Variants in PCDHGA11 observed in about 807,000 individuals in gnomAD.
The protein encoded by PCDHGA11 is protocadherin gamma-A11.
PCDHGA11 carries 39 observed loss-of-function variants against 60.4 expected under a neutral mutation model. The ratio of observed to expected loss-of-function variants is 0.65; its 90% confidence interval spans 0.50 to 0.84. PCDHGA11 has a LOEUF of 0.84. PCDHGA11 is among the 40% of genes least tolerant of loss of function. The pLI is 0.00. For missense variants in PCDHGA11, 1,165 were observed against 1,197.7 expected, an observed-to-expected ratio of 0.97 and a Z score of 0.40; for synonymous variants, 533 against 510.3, an observed-to-expected ratio of 1.04 and a Z score of -0.60.
chr5:141,427,616 C>T (rs922511046), intron 1 of PCDHGA11: 1 of 693,880 alleles, frequency 1.4e-6, no homozygotes, highest in Non-Finnish European at 2.6e-6. Context: ...GTGAAGTCAA[C>T]GACAATGCTC....
intron 1 of PCDHGA11, among the ~76,000 whole-genome samples, chr5:141,472,071 A>G (rs1243864250): frequency 6.6e-6 from 1 of 152,200 alleles, no homozygotes. Context: ...GTCTGTGGTT[A>G]TATCAATGAG....
chr5:141,501,290 T>C lies in PCDHGA11; in HGVS notation c.2493-4103T>C, dbSNP rs796726601. Among the ~76,000 whole-genome samples, 19 of 136,248 alleles carry C rather than the reference T, an allele frequency of 1.4e-4. No individual in the cohort carries two copies. The South Asian group carries it at 2.4e-3, about 17-fold the overall frequency. 89.4% of individuals were successfully genotyped at this position (136,248 alleles called of 152,430 possible). ...GTCCAGTCTATGGGATATTCCCTTA[T>C]ACACACACACACACACACACACACA... On this transcript the variant is annotated intron_variant, in intron 2 of 3. Coordinates refer to ENST00000398587, the MANE Select transcript of PCDHGA11 (RefSeq NM_018914.3).
intron 1 of PCDHGA11, among the ~76,000 whole-genome samples, chr5:141,481,620 C>G (rs1449979532): frequency 6.6e-6 from 1 of 152,112 alleles, no homozygotes; most frequent in African/African-American, 2.4e-5. Context: ...GAGTTCAAGA[C>G]CGGCCTGGCC....
rs758216933 is a variant in PCDHGA11 at position 141,487,377 on chromosome 5, C to A, written c.2434-7430C>A. The A allele has an allele frequency of 2.5e-6, 4 of 1,614,190 alleles. No individual in the cohort carries two copies. In the South Asian group the frequency reaches 3.3e-5, roughly 13 times the overall value. On this transcript the variant is annotated intron_variant, in intron 1 of 3. Transcript: ENST00000398587. This position sits in a 1 kb window ranked among gnomAD's most constrained non-coding sequence, Gnocchi z 5.0. ...CCTGCTGGCACCTGTGCCTGTCTCA[C>A]CAGATCTCGAAGGAGGGAGGGGCTT...
chr5:141,447,048 A>T (rs149112101), intron 1 of PCDHGA11, among the ~76,000 whole-genome samples: 1 of 152,066 alleles, frequency 6.6e-6, no homozygotes, highest in Non-Finnish European at 1.5e-5. Flanking sequence ...CTGGAATTCT[A>T]TTAAAATGTG....
intron 2 of PCDHGA11, among the ~76,000 whole-genome samples, chr5:141,499,689 CTTTTTTT>C (rs545067566): frequency 8.3e-6 from 1 of 119,856 alleles, no homozygotes; most frequent in Non-Finnish European, 1.7e-5. Flanking sequence ...TAACAGATGA[CTTTTTTT>C]TTTTTTTTTT....
At chr5:141,499,698 T>C (rs1312388510) in intron 2 of PCDHGA11, among the ~76,000 whole-genome samples, 2 of 149,810 alleles carry the variant, frequency 1.3e-5, no homozygotes, top group African/African-American at 2.5e-5. Context: ...ACTTTTTTTT[T>C]TTTTTTTTTT....
At chr5:141,507,785 C>T (rs1203302886) in intron 3 of PCDHGA11, among the ~76,000 whole-genome samples, 1 of 152,222 alleles carries the variant, frequency 6.6e-6, no homozygotes, top group African/African-American at 2.4e-5. Context: ...GCCTGACCCT[C>T]GTCTAAGCCT....
intron 1 of PCDHGA11, among the ~76,000 whole-genome samples, chr5:141,474,405 GT>G (rs2099348889): frequency 6.6e-6 from 1 of 152,196 alleles, no homozygotes; most frequent in African/African-American, 2.4e-5. Flanking sequence ...AAGCTCCCCG[GT>G]GATGCCTAGA....
chr5:141,427,742 C>T, intron 1 of PCDHGA11: 2 of 1,247,208 alleles, frequency 1.6e-6, no homozygotes, highest in Non-Finnish European at 2.3e-6. Context: ...GCCAAGTCTC[C>T]TACTCCATCG....
Position 141,421,587 on chromosome 5 carries a change from G to A in PCDHGA11, c.360G>A (p.Val120=). 1.2e-6 allele frequency: 2 copies of A among 1,613,900 alleles called. No individual in the cohort carries two copies. The highest frequency in any genetic ancestry group is 1.1e-5 in the South Asian group (1 of 91,068). Residue 120 remains valine, a synonymous_variant, in exon 1 of 4, where the codon GTG becomes GTA. Coordinates refer to ENST00000398587, the MANE Select transcript of PCDHGA11 (RefSeq NM_018914.3). ...LVEDTLKIYG[V]EVEIIDINDN... ...AAGACACCTTGAAGATTTACGGAGT[G>A]GAGGTGGAAATAATAGATATTAATG...
intron 1 of PCDHGA11, among the ~76,000 whole-genome samples, chr5:141,438,591 CAT>C (rs946798767): frequency 2.9e-3 from 219 of 75,538 alleles, no homozygotes; most frequent in Middle Eastern, 0.016. Context: ...TACATACATA[CAT>C]ATATATATAT....
rs759899934 is a variant in PCDHGA11 at position 141,421,255 on chromosome 5, C to A, written c.28C>A (p.Arg10Ser). 1.9e-6 allele frequency: 3 copies of A among 1,607,644 alleles called. No homozygotes were observed. The highest frequency in any genetic ancestry group is 2.5e-6 in the Non-Finnish European group (3 of 1,177,916). Reference protein sequence around the residue: MANRLQRGDRSRLLLLLCIF... With the variant: MANRLQRGDSSRLLLLLCIF... The stretch of plus-strand genomic sequence containing the variant: ...GGCGAATCGGCTACAGCGCGGGGAC[C>A]GCAGTCGGCTGCTGCTGCTGCTGTG... Residue 10 changes from arginine (R) to serine (S), a missense_variant, in exon 1 of 4, where the codon CGC becomes AGC. By Grantham distance (110) the Arg-to-Ser change is moderately radical. Transcript: ENST00000398587.
At chr5:141,454,426 GAC>G (rs746508144) in intron 1 of PCDHGA11, among the ~76,000 whole-genome samples, 3 of 152,168 alleles carry the variant, frequency 2.0e-5, no homozygotes, top group Non-Finnish European at 2.9e-5. Context: ...TTTATTTAGA[GAC>G]AGAGTTTCAC....
At chr5:141,425,719 A>G (rs2096890303) in intron 1 of PCDHGA11, among the ~76,000 whole-genome samples, 1 of 152,200 alleles carries the variant, frequency 6.6e-6, no homozygotes. Context: ...TTCCCATACC[A>G]CTTGATGGGG....
chr5:141,485,586 TG>T lies in PCDHGA11; in HGVS notation c.2434-9219del. The T allele has an allele frequency of 6.2e-7, 1 of 1,612,402 alleles. No homozygotes were observed. Among genetic ancestry groups the T allele is most frequent in the Non-Finnish European group, 8.5e-7 (1 of 1,178,600 alleles). Reference sequence around the variant, plus strand: ...GCCCCCCGTTTTCCGCGGCAGCAGCTGGACTTGGAAATTGGGGAGGCAGCTC... The same window carrying T: ...GCCCCCCGTTTTCCGCGGCAGCAGCTGACTTGGAAATTGGGGAGGCAGCTC... On this transcript the variant is annotated intron_variant, in intron 1 of 3. Coordinates refer to ENST00000398587, the MANE Select transcript of PCDHGA11 (RefSeq NM_018914.3). The surrounding 1 kb of genome is among the most constrained non-coding windows in gnomAD (Gnocchi z 5.7).
At position 141,486,004 on chromosome 5, in the gene PCDHGA11, C is replaced by T; in HGVS notation, c.2434-8803C>T. The T allele has an allele frequency of 6.2e-7, 1 of 1,614,184 alleles. No homozygotes were observed. The highest frequency in any genetic ancestry group is 8.5e-7 in the Non-Finnish European group (1 of 1,180,008). The stretch of plus-strand genomic sequence containing the variant: ...CGGACCTGGGTCCCAGTGGTAACGT[C>T]ACCTTTTATTTCAGTGGTCATACCC... On this transcript the variant is annotated intron_variant, in intron 1 of 3. Coordinates refer to ENST00000398587, the MANE Select transcript of PCDHGA11 (RefSeq NM_018914.3). This position sits in a 1 kb window ranked among gnomAD's most constrained non-coding sequence, Gnocchi z 5.0.
In PCDHGA11 at chr5:141,422,057, A is replaced by T. The variant is rs1356083259; in HGVS notation, c.830A>T (p.Glu277Val). 3.1e-6 allele frequency: 5 copies of T among 1,611,974 alleles called. No individual in the cohort carries two copies. The South Asian group carries it at 5.5e-5, about 18-fold the overall frequency. The change falls in exon 1 of 4, where the codon GAA becomes GTA. Residue 277 changes from glutamate (E) to valine (V), a missense_variant. Glu to Val is a moderately radical substitution (Grantham distance 121). Transcript: ENST00000398587. ...ATDPDEGING[E>V]VMYSFRNMES... The stretch of plus-strand genomic sequence containing the variant: ...GATCCAGACGAGGGAATCAACGGGG[A>T]AGTAATGTATTCATTTCGGAACATG...
Position 141,423,539 on chromosome 5 carries a change from T to C in PCDHGA11, c.2312T>C (p.Phe771Ser), listed in dbSNP as rs747825176. ...GACTCGCAGAAGAGTCACCTGATTT[T>C]CCCCCAGCCCAACTATGGGGACACG... ...IADSQKSHLI[F>S]PQPNYGDTLI... The change falls in exon 1 of 4, where the codon TTC becomes TCC. Residue 771 changes from phenylalanine (F) to serine (S), a missense_variant. By Grantham distance (155) the Phe-to-Ser change is radical (BLOSUM62 -2). Coordinates refer to ENST00000398587, the MANE Select transcript of PCDHGA11 (RefSeq NM_018914.3). 6.2e-6 allele frequency: 10 copies of C among 1,613,140 alleles called. No individual in the cohort carries two copies. The highest frequency in any genetic ancestry group is 8.5e-6 in the Non-Finnish European group (10 of 1,179,608).
Sources: allele counts gnomAD v4.1 joint callset (sites outside exome capture counted in the v4.1 genomes callset), GRCh38; gene constraint gnomAD v4.1.1; non-coding constraint Gnocchi (gnomAD v3.1); transcripts MANE v1.5; gene names NCBI Gene and HGNC (gene_info 2026-07-23, HGNC 2026-07-21).